The following NCKAP5 variants were observed in gnomAD, a reference collection of about 807,000 sequenced individuals.
The protein encoded by NCKAP5 is nck-associated protein 5.
NCKAP5 carries 92 observed loss-of-function variants against 167.0 expected under a neutral mutation model. The ratio of observed to expected loss-of-function variants is 0.55; its 90% CI spans 0.47 to 0.66. The LOEUF (loss-of-function observed/expected upper bound fraction) is 0.66. Ranked by LOEUF, NCKAP5 falls within the 30% of genes least tolerant of loss-of-function variation. The probability of loss-of-function intolerance (pLI) is 0.00; values close to 1 mark genes in which losing one functional copy is unlikely to be tolerated. For missense variants in NCKAP5, 2,378 were observed against 2,315.0 expected, an observed-to-expected ratio of 1.03 and a Z score of -0.56; for synonymous variants, 891 against 877.4, an observed-to-expected ratio of 1.02 and a Z score of -0.27.
intron 11 of NCKAP5, among the ~76,000 whole-genome samples, chr2:132,801,320 T>A (rs1475469371): frequency 6.6e-6 from 1 of 152,198 alleles, no homozygotes; most frequent in Non-Finnish European, 1.5e-5. Context: ...TTGGAGTTTG[T>A]TATTATTGCT....
At chr2:132,892,543 A>T (rs114739585) in intron 8 of NCKAP5, among the ~76,000 whole-genome samples, 1 of 152,348 alleles carries the variant, frequency 6.6e-6, no homozygotes, top group Admixed American at 6.5e-5. Flanking sequence ...GAGCTAAAAA[A>T]TGTAAAACAA....
chr2:133,302,930 G>C, intron 4 of NCKAP5, 107 bp downstream of exon 4: 1 of 733,246 alleles, frequency 1.4e-6, no homozygotes, highest in Non-Finnish European at 2.3e-6. Context: ...TTTTTAGCCA[G>C]ACAAGGACTT....
chr2:133,227,430 C>A lies in NCKAP5; in HGVS notation c.144-13651G>T, dbSNP rs75419102. ...CCAGAGTGGAGACGGTTTGCAAACA[C>A]ATGTATATACTCTCTGGCTGCCCCA... On this transcript the variant is annotated intron_variant, in intron 4 of 19. Coordinates refer to ENST00000409261, the MANE Select transcript of NCKAP5 (RefSeq NM_207363.3). Among the ~76,000 whole-genome samples, 1,302 of 152,250 alleles carry A rather than the reference C, an allele frequency of 8.6e-3. 21 individuals carry two copies. The highest frequency in any genetic ancestry group is 0.03 in the African/African-American group (1,233 of 41,556).
At chr2:133,172,996 A>G (rs900770427) in intron 5 of NCKAP5, among the ~76,000 whole-genome samples, 3 of 151,782 alleles carry the variant, frequency 2.0e-5, no homozygotes, top group Admixed American at 1.3e-4. Context: ...TCATATCTTT[A>G]TGGAAGGGTT....
the NCKAP5 span, among the ~76,000 whole-genome samples, chr2:133,587,353 T>C: frequency 6.6e-6 from 1 of 152,088 alleles, no homozygotes; most frequent in Non-Finnish European, 1.5e-5. Context: ...AGAGGTTGTG[T>C]CAGGTAATAA....
chr2:132,804,273 T>G (rs1470825543), intron 11 of NCKAP5, among the ~76,000 whole-genome samples: 3 of 152,160 alleles, frequency 2.0e-5, no homozygotes. Flanking sequence ...TCTGTAAATA[T>G]GATCTAAGGG....
intron 16 of NCKAP5, among the ~76,000 whole-genome samples, chr2:132,758,015 C>G (rs530543250): frequency 6.6e-6 from 1 of 152,208 alleles, no homozygotes; most frequent in African/African-American, 2.4e-5. Flanking sequence ...AAACTTCCCC[C>G]TTTCCTCCAC....
At chr2:133,415,781 CTCTT>C (rs1357117792) in intron 3 of NCKAP5, among the ~76,000 whole-genome samples, 1 of 152,214 alleles carries the variant, frequency 6.6e-6, no homozygotes, top group Non-Finnish European at 1.5e-5. Flanking sequence ...ATCAAAGTCT[CTCTT>C]TGTGAGGCTT....
chr2:132,965,159 A>C (rs964762950), intron 7 of NCKAP5, among the ~76,000 whole-genome samples: 1 of 152,138 alleles, frequency 6.6e-6, no homozygotes, highest in Admixed American at 6.6e-5. Flanking sequence ...TGTATATATA[A>C]ATGCATAGTT....
chr2:133,192,055 T>C (rs997927742), intron 5 of NCKAP5, among the ~76,000 whole-genome samples: 4 of 152,054 alleles, frequency 2.6e-5, no homozygotes, highest in African/African-American at 7.2e-5. Flanking sequence ...ACTTATTATA[T>C]TGCTGCAGTA....
intron 3 of NCKAP5, among the ~76,000 whole-genome samples, chr2:133,386,767 C>G (rs1026230554): frequency 6.6e-6 from 1 of 152,172 alleles, no homozygotes; most frequent in South Asian, 2.1e-4. Flanking sequence ...ATAGTTAGCT[C>G]TTCTTGTTGA....
intron 16 of NCKAP5, among the ~76,000 whole-genome samples, chr2:132,757,675 G>T (rs746981219): frequency 3.9e-5 from 6 of 152,282 alleles, no homozygotes; most frequent in Non-Finnish European, 5.9e-5. Flanking sequence ...CAGATTTAAT[G>T]GACATATCAT....
intron 16 of NCKAP5, among the ~76,000 whole-genome samples, chr2:132,768,359 C>A (rs1681702316): frequency 6.6e-6 from 1 of 152,234 alleles, no homozygotes; most frequent in Non-Finnish European, 1.5e-5. Flanking sequence ...CAGTACAAGA[C>A]AATGAATGGT....
At chr2:133,352,373 C>T (rs556902047) in intron 3 of NCKAP5, among the ~76,000 whole-genome samples, 37 of 152,370 alleles carry the variant, frequency 2.4e-4, no homozygotes, top group African/African-American at 8.7e-4. Flanking sequence ...TCAATAAATA[C>T]ATCTTGAATG....
chr2:133,248,919 C>G (rs2088149309), intron 4 of NCKAP5, among the ~76,000 whole-genome samples: 1 of 152,202 alleles, frequency 6.6e-6, no homozygotes, highest in Non-Finnish European at 1.5e-5. Flanking sequence ...CCTCACTACT[C>G]AGTTTTAAAT....
At chr2:132,924,043 G>C (rs1345966232) in intron 8 of NCKAP5, among the ~76,000 whole-genome samples, 1 of 152,158 alleles carries the variant, frequency 6.6e-6, no homozygotes. Flanking sequence ...AAAGATGCTT[G>C]CTGTCCAGCA....
At chr2:133,486,197 ATCCATTGCAT>A (rs1219479968) in intron 3 of NCKAP5, among the ~76,000 whole-genome samples, 3 of 152,220 alleles carry the variant, frequency 2.0e-5, no homozygotes, top group African/African-American at 7.2e-5. Flanking sequence ...ACTCTGTATA[ATCCATTGCAT>A]TCTTTCTCAG....
chr2:132,851,519 G>A (rs371643813), intron 11 of NCKAP5, among the ~76,000 whole-genome samples: 7 of 152,276 alleles, frequency 4.6e-5, no homozygotes, highest in African/African-American at 1.2e-4. Context: ...GGTTAACCCC[G>A]CTTGCCTCTA....
In NCKAP5 at chr2:132,815,776, G is replaced by A. The variant is rs143817019; in HGVS notation, c.808-19047C>T. Among the ~76,000 whole-genome samples, 36 of 152,306 alleles carry A rather than the reference G, an allele frequency of 2.4e-4. 1 individual carries two copies. In the East Asian group the frequency reaches 6.2e-3, roughly 26 times the overall value. ...ATTGGAGCAAAGCCCAGGTCCACAC[G>A]CTGTGGTTAATGTTAACTGCCTTAT... On this transcript the variant is annotated intron_variant, in intron 11 of 19. Coordinates refer to ENST00000409261, the MANE Select transcript of NCKAP5 (RefSeq NM_207363.3).
Sources: gnomAD v4.1 joint callset for allele counts (sites outside exome capture counted in the v4.1 genomes callset) on GRCh38, gnomAD v4.1.1 for gene constraint, MANE v1.5 for transcripts, NCBI Gene and HGNC (gene_info 2026-07-23, HGNC 2026-07-21) for gene names.